NUP98: variants seen among roughly 807,000 people sequenced by gnomAD.
NUP98 encodes the protein nucleoporin 98 and 96 precursor, also known as nuclear pore complex protein Nup98-Nup96.
Under a neutral mutation model 191.9 loss-of-function variants are expected in NUP98, and 26 were observed. That is an observed-to-expected ratio of 0.14 (90% CI 0.10 to 0.19). The LOEUF (loss-of-function observed/expected upper bound fraction) is 0.19. Ranked by LOEUF, NUP98 falls within the 10% of genes least tolerant of loss-of-function variation. The probability of loss-of-function intolerance (pLI) is 1.00; values close to 1 mark genes in which losing one functional copy is unlikely to be tolerated. For missense variants in NUP98, 1,941 were observed against 2,178.8 expected (o/e 0.89, Z 2.17); for synonymous variants, 808 against 778.4 (o/e 1.04, Z -0.63).
At chr11:3,783,269 T>C (rs1482097026) in intron 1 of NUP98, among the ~76,000 whole-genome samples, 1 of 151,802 alleles carries the variant, frequency 6.6e-6, no homozygotes, top group Non-Finnish European at 1.5e-5. Flanking sequence ...GGGACTGTAG[T>C]CCCAGCTACT....
At chr11:3,715,015 T>C (rs2079135603) in intron 18 of NUP98, 1 of 152,234 alleles carries the variant, frequency 6.6e-6, no homozygotes, top group South Asian at 2.1e-4. Context: ...GAAGTGGAGC[T>C]GCTGGATCAG....
chr11:3,705,446 T>C lies in NUP98; in HGVS notation c.2926-90A>G, dbSNP rs1373634404. 1.2e-5 allele frequency: 15 copies of C among 1,243,162 alleles called. No individual in the cohort carries two copies. The East Asian group carries it at 2.6e-4, about 21-fold the overall frequency. 77.0% of individuals were successfully genotyped at this position (1,243,162 alleles called of 1,614,324 possible). A position where few individuals can be genotyped will look rare whatever the true frequency, so the allele number is the denominator to read the frequency against. The stretch of plus-strand genomic sequence containing the variant: ...ATGCAGTTTACAACAACCAAAAATA[T>C]TGTTCCTCCTCAAGGCTGTGTACAG... On this transcript the variant is annotated intron_variant, in intron 21 of 32. Transcript: ENST00000324932.
chr11:3,698,020 A>G (rs2078565762), intron 25 of NUP98, among the ~76,000 whole-genome samples: 1 of 152,200 alleles, frequency 6.6e-6, no homozygotes, highest in Non-Finnish European at 1.5e-5. Flanking sequence ...CATATTTTAT[A>G]GCAATTCAGA....
rs2078375292 is a variant in NUP98, at chr11:3,693,213, C to G, written c.4311+19G>C. The G allele has an allele frequency of 6.2e-7, 1 of 1,612,150 alleles. No individual in the cohort carries two copies. Among genetic ancestry groups the G allele is most frequent in the Non-Finnish European group, 8.5e-7 (1 of 1,179,114 alleles). Reference sequence around the variant, plus strand: ...AACACCCAGCAAGATTTTTGCTTGGCTCTATTGGCCACATATACCTGAAAT... The same window carrying G: ...AACACCCAGCAAGATTTTTGCTTGGGTCTATTGGCCACATATACCTGAAAT... On this transcript the variant is annotated intron_variant, in intron 27 of 32. Coordinates refer to ENST00000324932, the MANE Select transcript of NUP98 (RefSeq NM_016320.5).
intron 20 of NUP98, among the ~76,000 whole-genome samples, chr11:3,709,534 C>A (rs1415596057): frequency 1.3e-5 from 2 of 151,898 alleles, no homozygotes; most frequent in African/African-American, 4.8e-5. Context: ...AAGATCCTGT[C>A]TCTAAAACAA....
chr11:3,714,546 A>T (rs77301188), intron 18 of NUP98, among the ~76,000 whole-genome samples: 1 of 152,164 alleles, frequency 6.6e-6, no homozygotes, highest in South Asian at 2.1e-4. Flanking sequence ...AGGATGTAAT[A>T]GGTAGATGCT....
intron 17 of NUP98, among the ~76,000 whole-genome samples, chr11:3,719,791 G>A (rs2079325117): frequency 6.7e-6 from 1 of 149,490 alleles, no homozygotes; most frequent in South Asian, 2.1e-4. Context: ...TTTTGGCAAG[G>A]TCTTGTTCTG....
rs572141683 is a variant in NUP98 at position 3,786,197 on chromosome 11, G to C, written c.-28-4052C>G. The stretch of plus-strand genomic sequence containing the variant: ...GAGTCTAGAGCCTAGAGCTCCTAGA[G>C]AAAGAACATTGCCAATTAAAGGAAA... On this transcript the variant is annotated intron_variant, in intron 1 of 32. Coordinates refer to ENST00000324932, the MANE Select transcript of NUP98 (RefSeq NM_016320.5). Among the ~76,000 whole-genome samples, 25 of 152,328 alleles carry C rather than the reference G, an allele frequency of 1.6e-4. No homozygotes were observed. In the East Asian group the frequency reaches 2.7e-3, roughly 16 times the overall value.
At position 3,786,886 on chromosome 11, in the gene NUP98, C is replaced by A. The variant is rs539028260; in HGVS notation, c.-28-4741G>T. On this transcript the variant is annotated intron_variant, in intron 1 of 32. Transcript: ENST00000324932. ...AGACATTTCCAATTTGCTGCTAACT[C>A]CAGACGTAAATGGGAAGTAGTTTTT... 4.9e-4 allele frequency among the ~76,000 whole-genome samples: 74 copies of A among 152,312 alleles called. No homozygotes were observed. In the South Asian group the frequency reaches 0.013, roughly 26 times the overall value.
intron 1 of NUP98, among the ~76,000 whole-genome samples, chr11:3,786,069 G>A (rs577703352): frequency 2.0e-5 from 3 of 152,142 alleles, no homozygotes; most frequent in South Asian, 4.1e-4. Context: ...AGAATCCAAC[G>A]ATGTAGGTAT....
chr11:3,733,646 CTA>C (rs2079928152), intron 13 of NUP98, among the ~76,000 whole-genome samples: 1 of 152,136 alleles, frequency 6.6e-6, no homozygotes, highest in African/African-American at 2.4e-5. Flanking sequence ...AAGGTTTCAT[CTA>C]TGTTATAGCA....
chr11:3,784,577 A>AT (rs1425570989), intron 1 of NUP98, among the ~76,000 whole-genome samples: 8 of 91,912 alleles, frequency 8.7e-5, no homozygotes, highest in South Asian at 3.1e-4. Flanking sequence ...CTCTGTCTCT[A>AT]TTAAAAACAA....
chr11:3,717,245 G>A (rs556525135), intron 18 of NUP98, among the ~76,000 whole-genome samples: 7 of 152,184 alleles, frequency 4.6e-5, no homozygotes, highest in Non-Finnish European at 7.4e-5. Context: ...TGATCTGCCC[G>A]CCTAGGCCTC....
At chr11:3,692,686 G>C (rs1341539898) in intron 27 of NUP98, among the ~76,000 whole-genome samples, 3 of 152,008 alleles carry the variant, frequency 2.0e-5, no homozygotes, top group African/African-American at 7.3e-5. Flanking sequence ...GTCTTCAATG[G>C]ACTGGTAAAG....
rs766114193 is a variant in NUP98, at chr11:3,753,348, A to G, written c.1235T>C (p.Leu412Pro). The change falls in exon 11 of 33, where the codon CTT (leucine) becomes CCT (proline). Residue 412 changes from leucine to proline, a missense_variant. By Grantham distance (98) the Leu-to-Pro change is moderately conservative. Transcript: ENST00000324932. ...IFGSKPAPGTLGTGLGAGFGT... is the reference protein window; with the variant it reads ...IFGSKPAPGTPGTGLGAGFGT... ...AAATCCTGCACCAAGCCCAGTTCCA[A>G]GAGTCCCAGGTGCTGGTTTACTTCC... 11 of 1,614,114 alleles carry G rather than the reference A, an allele frequency of 6.8e-6. No homozygotes were observed. The highest frequency in any genetic ancestry group is 5.0e-5 in the Admixed American group (3 of 60,008).
At chr11:3,797,007 G>A (rs912111933) in intron 1 of NUP98, among the ~76,000 whole-genome samples, 2 of 152,212 alleles carry the variant, frequency 1.3e-5, no homozygotes, top group Non-Finnish European at 2.9e-5. Flanking sequence ...GGCAAATAAA[G>A]CCCAGTCCCA....
At chr11:3,745,422 C>T (rs527260250) in intron 11 of NUP98, among the ~76,000 whole-genome samples, 4 of 152,122 alleles carry the variant, frequency 2.6e-5, no homozygotes, top group Non-Finnish European at 5.9e-5. Flanking sequence ...GGACTAAGAA[C>T]TCATTTTCAC....
intron 1 of NUP98, among the ~76,000 whole-genome samples, chr11:3,791,775 G>C (rs1412379998): frequency 6.6e-6 from 1 of 150,550 alleles, no homozygotes; most frequent in African/African-American, 2.5e-5. Flanking sequence ...CCCAGGAGGC[G>C]AGGTTACAGT....
At chr11:3,750,284 T>TA (rs1209437563) in intron 11 of NUP98, among the ~76,000 whole-genome samples, 7 of 152,122 alleles carry the variant, frequency 4.6e-5, no homozygotes, top group African/African-American at 1.7e-4. Context: ...CAAGCCCAGC[T>TA]AACTTTTTGC....
Sources: gnomAD v4.1 joint callset for allele counts (sites outside exome capture counted in the v4.1 genomes callset) on GRCh38, gnomAD v4.1.1 for gene constraint, MANE v1.5 for transcripts, NCBI Gene and HGNC (gene_info 2026-07-23, HGNC 2026-07-21) for gene names.